The following PCDH7 variants were observed in gnomAD, a reference collection of about 807,000 sequenced individuals.
PCDH7 encodes the protein protocadherin-7.
Under a neutral mutation model 58.9 loss-of-function variants are expected in PCDH7, and 17 were observed. The observed-to-expected ratio is 0.29, with a 90% confidence interval of 0.20 to 0.43. PCDH7 has a LOEUF of 0.43. Ranked by LOEUF, PCDH7 falls within the 20% of genes least tolerant of loss-of-function variation. The probability of loss-of-function intolerance (pLI) is 1.00; values close to 1 mark genes in which losing one functional copy is unlikely to be tolerated. For synonymous variants in PCDH7, 664 were observed against 616.4 expected (o/e 1.08, Z -1.14); for missense variants, 1,274 against 1,441.0 (o/e 0.88, Z 1.88).
chr4:31,010,327 T>A (rs1331386337), intron 3 of PCDH7, among the ~76,000 whole-genome samples: 2 of 151,978 alleles, frequency 1.3e-5, no homozygotes, highest in Admixed American at 1.3e-4. Flanking sequence ...CCATCATTTA[T>A]CTAGGCCTGA....
intron 1 of PCDH7, among the ~76,000 whole-genome samples, chr4:30,915,532 T>A (rs1290974601): frequency 1.3e-5 from 2 of 152,256 alleles, no homozygotes; most frequent in Middle Eastern, 6.8e-3. Flanking sequence ...GTTGTTGTTG[T>A]TGTTGTTTTT....
chr4:31,069,334 C>T (rs1758349549), intron 3 of PCDH7, among the ~76,000 whole-genome samples: 1 of 151,892 alleles, frequency 6.6e-6, no homozygotes, highest in Non-Finnish European at 1.5e-5. Context: ...ACTTCATTTG[C>T]TTTGCTGAAA....
chr4:30,968,684 A>G (rs182245219), intron 3 of PCDH7, among the ~76,000 whole-genome samples: 2 of 152,186 alleles, frequency 1.3e-5, no homozygotes, highest in East Asian at 3.9e-4. Context: ...TTTAATAAAG[A>G]ACTGCCTAAC....
chr4:30,853,266 A>C (rs1733015140), intron 1 of PCDH7, among the ~76,000 whole-genome samples: 1 of 152,164 alleles, frequency 6.6e-6, no homozygotes, highest in South Asian at 2.1e-4. Context: ...TTTATTCTCT[A>C]AAATGTGCTA....
intron 1 of PCDH7, among the ~76,000 whole-genome samples, chr4:30,774,767 A>C (rs1184202767): frequency 6.6e-6 from 1 of 152,212 alleles, no homozygotes; most frequent in South Asian, 2.1e-4. Flanking sequence ...TATAGTATAG[A>C]ACTCAGAGGC....
At chr4:31,097,492 A>AG (rs2109294807) in intron 3 of PCDH7, among the ~76,000 whole-genome samples, 2 of 119,042 alleles carry the variant, frequency 1.7e-5, no homozygotes, top group East Asian at 5.3e-4. Flanking sequence ...AAGAAAGAAA[A>AG]AAAGAAAGAA....
intron 1 of PCDH7, among the ~76,000 whole-genome samples, chr4:30,834,606 T>C (rs1425833717): frequency 6.6e-6 from 1 of 152,014 alleles, no homozygotes; most frequent in East Asian, 1.9e-4. Flanking sequence ...AACAGAATTA[T>C]GTTTGATGGT....
At chr4:30,966,576 C>T (rs1056043313) in intron 3 of PCDH7, among the ~76,000 whole-genome samples, 3 of 151,872 alleles carry the variant, frequency 2.0e-5, no homozygotes, top group African/African-American at 4.8e-5. Context: ...TTTTGACTGT[C>T]ATTTTTTTGT....
At chr4:31,119,918 T>C (rs77105915) in intron 3 of PCDH7, among the ~76,000 whole-genome samples, 3,403 of 151,986 alleles carry the variant, frequency 0.022, 117 homozygotes, top group African/African-American at 0.078. Flanking sequence ...CCACAGATCT[T>C]ATCAGAAAGC....
intron 1 of PCDH7, among the ~76,000 whole-genome samples, chr4:30,795,583 A>G (rs1236002950): frequency 1.3e-5 from 2 of 152,180 alleles, no homozygotes; most frequent in Admixed American, 6.5e-5. Flanking sequence ...AAAAGCAAAC[A>G]CATATTTTCC....
chr4:30,779,875 A>G (rs1722563640), intron 1 of PCDH7, among the ~76,000 whole-genome samples: 1 of 152,146 alleles, frequency 6.6e-6, no homozygotes, highest in African/African-American at 2.4e-5. Flanking sequence ...AGGACAGCCA[A>G]ACTTGCTATT....
chr4:31,078,770 C>T (rs1759226524), intron 3 of PCDH7, among the ~76,000 whole-genome samples: 1 of 145,204 alleles, frequency 6.9e-6, no homozygotes, highest in Non-Finnish European at 1.5e-5. Context: ...ATTTTAAGAA[C>T]AAATTTGGTG....
intron 3 of PCDH7, among the ~76,000 whole-genome samples, chr4:30,971,164 A>G (rs898005859): frequency 1.3e-5 from 2 of 152,230 alleles, no homozygotes; most frequent in Non-Finnish European, 2.9e-5. Context: ...ACTAGCTCTT[A>G]AAGAAATTGT....
chr4:30,858,236 C>CT (rs1236373911), intron 1 of PCDH7, among the ~76,000 whole-genome samples: 3 of 152,108 alleles, frequency 2.0e-5, no homozygotes, highest in African/African-American at 2.4e-5. Context: ...GAAAAAGTCT[C>CT]TTTTTTTTCT....
exon 4 of PCDH7, chr4:31,142,597 T>C (rs761602176): frequency 7.3e-7 from 1 of 1,367,752 alleles, no homozygotes; most frequent in South Asian, 1.1e-5. Context: ...AGAGCCAGCC[T>C]AAACTGTCCA....
intron 3 of PCDH7, among the ~76,000 whole-genome samples, chr4:31,007,270 G>A (rs1438806467): frequency 2.1e-5 from 3 of 140,214 alleles, no homozygotes; most frequent in Non-Finnish European, 2.9e-5. Context: ...GAACAACTTA[G>A]TTAGTGTTTT....
chr4:30,882,094 C>T (rs1227746668), intron 1 of PCDH7, among the ~76,000 whole-genome samples: 1 of 143,866 alleles, frequency 7.0e-6, no homozygotes, highest in African/African-American at 2.6e-5. Flanking sequence ...CCCCTGCTTC[C>T]TCCCCCTCCT....
intron 3 of PCDH7, among the ~76,000 whole-genome samples, chr4:31,078,639 ATTTT>A (rs10709152): frequency 2.5e-3 from 182 of 73,566 alleles, no homozygotes; most frequent in African/African-American, 8.4e-3. Flanking sequence ...ACCATGCCCC[ATTTT>A]TTTTTTTTTT....
At chr4:31,101,945 A>G (rs962285013) in intron 3 of PCDH7, among the ~76,000 whole-genome samples, 4 of 152,166 alleles carry the variant, frequency 2.6e-5, no homozygotes, top group Non-Finnish European at 5.9e-5. Flanking sequence ...TAACAAACTC[A>G]TCTTTTTATG....
Sources: allele counts gnomAD v4.1 joint callset (sites outside exome capture counted in the v4.1 genomes callset), GRCh38; gene constraint gnomAD v4.1.1; transcripts MANE v1.5; gene names NCBI Gene and HGNC (gene_info 2026-07-23, HGNC 2026-07-21).